The following PRKAR2A variants were observed in gnomAD, a reference collection of about 807,000 sequenced individuals.
The protein encoded by PRKAR2A is protein kinase cAMP-dependent type II regulatory subunit alpha.
A neutral mutation model predicts 51.9 loss-of-function variants in PRKAR2A; 29 were observed. The ratio of observed to expected loss-of-function variants is 0.56; its 90% CI spans 0.42 to 0.76. The LOEUF (loss-of-function observed/expected upper bound fraction) is 0.76. Among genes scored for constraint, PRKAR2A ranks in the 30% least tolerant of loss-of-function variants. PRKAR2A has a pLI of 0.00. For missense variants in PRKAR2A, 445 were observed against 512.1 expected, an observed-to-expected ratio of 0.87 and a Z score of 1.26; for synonymous variants, 178 against 186.2, an observed-to-expected ratio of 0.96 and a Z score of 0.36.
At position 48,765,296 on chromosome 3, in the gene PRKAR2A, C is replaced by G. The variant is rs773425613; in HGVS notation, c.750G>C (p.Lys250Asn). The G allele has an allele frequency of 8.1e-6, 13 of 1,612,412 alleles. No individual in the cohort carries two copies. In the East Asian group the frequency reaches 2.9e-4, roughly 36 times the overall value. Reference protein sequence around the residue: ...IIVKNNAKKRKMFESFIESVP... With the variant: ...IIVKNNAKKRNMFESFIESVP... ...CAGACTCAATAAATGATTCAAACATCTTCCTCTTCTTTGCATTATTTTTCA... is the reference window on the plus strand; with the variant it reads ...CAGACTCAATAAATGATTCAAACATGTTCCTCTTCTTTGCATTATTTTTCA... Residue 250 changes from lysine to asparagine, a missense_variant, in exon 7 of 11, where the codon AAG becomes AAC. Transcript: ENST00000265563.
At chr3:48,764,376 A>G (rs1559605648) in intron 8 of PRKAR2A, among the ~76,000 whole-genome samples, 1 of 152,188 alleles carries the variant, frequency 6.6e-6, no homozygotes, top group Non-Finnish European at 1.5e-5. Context: ...TCAAATATAG[A>G]AAGTTAGAGG....
chr3:48,782,996 C>G lies in PRKAR2A; in HGVS notation c.532G>C (p.Val178Leu). Residue 178 changes from valine (V) to leucine (L), a missense_variant, in exon 5 of 11, where the codon GTC (valine) becomes CTC (leucine). Coordinates refer to ENST00000265563, the MANE Select transcript of PRKAR2A (RefSeq NM_004157.4). ...DQGDDGDNFY[V>L]IERGTYDILV... ...AGCTCCATCTCCTACCGTTCTATGA[C>G]ATAAAAGTTGTCTCCATCATCTCCT... 1 of 1,607,526 alleles carries G rather than the reference C, an allele frequency of 6.2e-7. No homozygotes were observed. The highest frequency in any genetic ancestry group is 8.5e-7 in the Non-Finnish European group (1 of 1,174,096).
intron 1 of PRKAR2A, among the ~76,000 whole-genome samples, chr3:48,834,494 G>A (rs2083247706): frequency 6.6e-6 from 1 of 152,122 alleles, no homozygotes; most frequent in African/African-American, 2.4e-5. Flanking sequence ...CAACACTTTG[G>A]AAGGCTGAGG....
intron 1 of PRKAR2A, among the ~76,000 whole-genome samples, chr3:48,811,140 G>A (rs1196316249): frequency 6.6e-6 from 1 of 152,018 alleles, no homozygotes; most frequent in Non-Finnish European, 1.5e-5. Context: ...TTGTACCACT[G>A]CACTTCAGCC....
Position 48,847,495 on chromosome 3 carries a change from C to T in PRKAR2A, c.102G>A (p.Val34=), listed in dbSNP as rs1465456506. The change falls in exon 1 of 11, where the codon GTG becomes GTA. Residue 34 remains valine (V), a synonymous_variant. Coordinates refer to ENST00000265563, the MANE Select transcript of PRKAR2A (RefSeq NM_004157.4). The surrounding 1 kb of genome is among the most constrained non-coding windows in gnomAD (Gnocchi z 4.4). ...QQPPDLVEFA[V]EYFTRLREAR... is the part of the protein sequence containing the mutation. ...CCTCGCGCAGGCGGGTGAAGTACTC[C>T]ACTGCGAATTCGACGAGGTCAGGCG... 15 of 1,556,528 alleles carry T rather than the reference C, an allele frequency of 9.6e-6. No individual in the cohort carries two copies. The highest frequency in any genetic ancestry group is 1.3e-5 in the Non-Finnish European group (15 of 1,150,494).
intron 2 of PRKAR2A, among the ~76,000 whole-genome samples, chr3:48,801,478 A>C (rs2082589297): frequency 6.6e-6 from 1 of 151,316 alleles, no homozygotes; most frequent in Admixed American, 6.6e-5. Flanking sequence ...TAGTAGAGAC[A>C]GGGTTTCACA....
chr3:48,774,063 G>A (rs551544158), intron 5 of PRKAR2A, among the ~76,000 whole-genome samples: 30 of 152,096 alleles, frequency 2.0e-4, no homozygotes, highest in Middle Eastern at 3.4e-3. Flanking sequence ...GAACTCCTGG[G>A]CTCAAGCAAT....
chr3:48,831,587 C>T (rs1172400817), intron 1 of PRKAR2A, among the ~76,000 whole-genome samples: 1 of 151,498 alleles, frequency 6.6e-6, no homozygotes, highest in Non-Finnish European at 1.5e-5. Context: ...GGTCCTAGGC[C>T]TCTGGCCTCA....
intron 3 of PRKAR2A, among the ~76,000 whole-genome samples, chr3:48,791,184 G>C (rs1418904269): frequency 6.8e-6 from 1 of 146,082 alleles, no homozygotes. Flanking sequence ...CTCCTCAGGA[G>C]GCTGAGGTAG....
At chr3:48,782,354 CAAGG>C (rs1010821644) in intron 5 of PRKAR2A, among the ~76,000 whole-genome samples, 22 of 152,094 alleles carry the variant, frequency 1.4e-4, no homozygotes, top group African/African-American at 5.1e-4. Flanking sequence ...GCTAATTCTT[CAAGG>C]AATCAATTCA....
chr3:48,757,101 T>G (rs2081783300), intron 8 of PRKAR2A, among the ~76,000 whole-genome samples: 1 of 152,006 alleles, frequency 6.6e-6, no homozygotes, highest in Admixed American at 6.6e-5. Context: ...TGACAAAGGA[T>G]GAACAGCCAT....
chr3:48,758,652 G>A (rs1248170495), intron 8 of PRKAR2A, among the ~76,000 whole-genome samples: 1 of 151,980 alleles, frequency 6.6e-6, no homozygotes, highest in Non-Finnish European at 1.5e-5. Context: ...TATGTGTACA[G>A]GATAAGAATG....
intron 5 of PRKAR2A, among the ~76,000 whole-genome samples, chr3:48,775,676 A>T (rs1210882579): frequency 6.6e-6 from 1 of 152,102 alleles, no homozygotes; most frequent in Non-Finnish European, 1.5e-5. Flanking sequence ...AGAGATAATC[A>T]AAGATACTGC....
chr3:48,767,070 T>A (rs1023655814), intron 6 of PRKAR2A, among the ~76,000 whole-genome samples: 1 of 152,214 alleles, frequency 6.6e-6, no homozygotes, highest in African/African-American at 2.4e-5. Flanking sequence ...CATGTGAGAA[T>A]GTTAATTGCT....
chr3:48,834,073 GT>G (rs1386258012), intron 1 of PRKAR2A, among the ~76,000 whole-genome samples: 4 of 151,430 alleles, frequency 2.6e-5, no homozygotes, highest in African/African-American at 9.7e-5. Context: ...AAAGAAAATG[GT>G]TTCTTCCACC....
intron 9 of PRKAR2A, among the ~76,000 whole-genome samples, chr3:48,754,991 ATTAAC>A (rs1227419342): frequency 2.9e-5 from 4 of 139,186 alleles, no homozygotes; most frequent in Non-Finnish European, 6.1e-5. Flanking sequence ...TTCCATACTT[ATTAAC>A]TTTTTTTTTT....
At chr3:48,829,558 A>G (rs893310640) in intron 1 of PRKAR2A, among the ~76,000 whole-genome samples, 11 of 119,390 alleles carry the variant, frequency 9.2e-5, no homozygotes, top group Middle Eastern at 4.1e-3. Context: ...ATATATGTGT[A>G]TATATACACA....
At chr3:48,771,444 G>A (rs1474818893) in intron 6 of PRKAR2A, among the ~76,000 whole-genome samples, 1 of 152,114 alleles carries the variant, frequency 6.6e-6, no homozygotes, top group Non-Finnish European at 1.5e-5. Flanking sequence ...GGAGGTCAAG[G>A]CTGCAGTTAG....
intron 1 of PRKAR2A, among the ~76,000 whole-genome samples, chr3:48,811,830 G>A (rs1027793440): frequency 2.0e-5 from 3 of 151,790 alleles, no homozygotes; most frequent in African/African-American, 7.3e-5. Context: ...TAAAAAAAAA[G>A]GCATTATGCA....
Sources: allele counts gnomAD v4.1 joint callset (sites outside exome capture counted in the v4.1 genomes callset), GRCh38; gene constraint gnomAD v4.1.1; non-coding constraint Gnocchi (gnomAD v3.1); transcripts MANE v1.5; gene names NCBI Gene and HGNC (gene_info 2026-07-23, HGNC 2026-07-21).